The following TTC7A variants were observed in gnomAD, a reference collection of about 807,000 sequenced individuals.
The protein encoded by TTC7A is tetratricopeptide repeat domain 7A.
Under a neutral mutation model 103.7 loss-of-function variants are expected in TTC7A, and 110 were observed. That is an observed-to-expected ratio of 1.06 (90% CI 0.91 to 1.24). TTC7A has a LOEUF of 1.24. Among genes scored for constraint, TTC7A ranks in the 50% most tolerant of loss-of-function variants. The pLI, the probability that TTC7A is intolerant of heterozygous loss-of-function variation, is 0.00. For missense variants in TTC7A, 1,340 were observed against 1,116.3 expected (o/e 1.20, Z -2.86); for synonymous variants, 521 against 467.9 (o/e 1.11, Z -1.47).
At chr2:47,025,006 A>G (rs1248196577) in intron 14 of TTC7A, among the ~76,000 whole-genome samples, 1 of 152,124 alleles carries the variant, frequency 6.6e-6, no homozygotes, top group Non-Finnish European at 1.5e-5. Context: ...GGGCATGCAC[A>G]CATCCTCCAA....
chr2:46,968,763 A>G (rs1456527522), intron 3 of TTC7A, among the ~76,000 whole-genome samples: 2 of 152,162 alleles, frequency 1.3e-5, no homozygotes, highest in Non-Finnish European at 1.5e-5. Flanking sequence ...AAATTTTCAT[A>G]TGGTGACATG....
At chr2:47,041,856 T>C (rs1681788082) in intron 15 of TTC7A, among the ~76,000 whole-genome samples, 1 of 151,800 alleles carries the variant, frequency 6.6e-6, no homozygotes, top group African/African-American at 2.4e-5. Flanking sequence ...ATGGCTTCCC[T>C]CCACCCTTCT....
intron 18 of TTC7A, among the ~76,000 whole-genome samples, chr2:47,056,806 G>A (rs532134333): frequency 6.6e-6 from 1 of 152,302 alleles, no homozygotes; most frequent in East Asian, 1.9e-4. Context: ...AGGATGATGA[G>A]AGCAGAGGGA....
At chr2:46,999,879 G>C (rs1426602191) in intron 8 of TTC7A, 1 of 985,330 alleles carries the variant, frequency 1.0e-6, no homozygotes, top group Non-Finnish European at 1.2e-6. Context: ...CTGGTGTTGA[G>C]AGTGGGGTGG....
At chr2:46,929,775 C>CA (rs1412387113) in intron 2 of TTC7A, among the ~76,000 whole-genome samples, 1 of 152,176 alleles carries the variant, frequency 6.6e-6, no homozygotes, top group Non-Finnish European at 1.5e-5. Flanking sequence ...ATTCACTGCC[C>CA]ATCTCTGGGC....
intron 2 of TTC7A, among the ~76,000 whole-genome samples, chr2:46,954,894 A>C (rs1054997184): frequency 6.6e-6 from 1 of 152,028 alleles, no homozygotes; most frequent in African/African-American, 2.4e-5. Flanking sequence ...AATAGTGTAA[A>C]TGTGGCTTTA....
intron 15 of TTC7A, among the ~76,000 whole-genome samples, chr2:47,030,850 A>C (rs6729896): frequency 0.096 from 14,646 of 152,252 alleles, 753 homozygotes; most frequent in Non-Finnish European, 0.12. Flanking sequence ...AGCAGCATTC[A>C]AGAGACTACT....
At chr2:47,038,729 G>A (rs1179721659) in intron 15 of TTC7A, among the ~76,000 whole-genome samples, 1 of 139,674 alleles carries the variant, frequency 7.2e-6, no homozygotes, top group Non-Finnish European at 1.5e-5. Context: ...GGCCCAGTGA[G>A]CACACATGGG....
intron 18 of TTC7A, among the ~76,000 whole-genome samples, chr2:47,059,742 C>T (rs545326220): frequency 5.3e-5 from 8 of 152,290 alleles, no homozygotes; most frequent in South Asian, 2.1e-4. Context: ...CATCCCCACG[C>T]GAGGTTCTGA....
At chr2:46,972,279 C>T (rs1673436317) in intron 3 of TTC7A, among the ~76,000 whole-genome samples, 1 of 150,872 alleles carries the variant, frequency 6.6e-6, no homozygotes, top group Non-Finnish European at 1.5e-5. Flanking sequence ...ATGCTATATC[C>T]CTTCTGTGTT....
rs369517240 is a variant in TTC7A at position 47,020,523 on chromosome 2, C to T, written c.1393-1339C>T. Among the ~76,000 whole-genome samples the T allele has an allele frequency of 5.3e-5, 8 of 152,344 alleles. No homozygotes were observed. In the East Asian group the frequency reaches 1.4e-3, roughly 26 times the overall value. On this transcript the variant is annotated intron_variant, in intron 11 of 19. Transcript: ENST00000319190. ...CAGACACCCTCATCCTTCCAGTGGC[C>T]AGCCCAGCAATCAGGAAGCAGCCCA...
At chr2:46,926,590 G>T (rs1471576339) in intron 2 of TTC7A, among the ~76,000 whole-genome samples, 2 of 152,126 alleles carry the variant, frequency 1.3e-5, no homozygotes, top group African/African-American at 4.8e-5. Flanking sequence ...CAGATTTTTT[G>T]AATAAGGTGA....
Position 47,011,350 on chromosome 2 carries a change from T to TG in TTC7A, c.1308dup (p.Leu437AlafsTer62). 6.2e-7 allele frequency: 1 copy of TG among 1,613,420 alleles called. No individual in the cohort carries two copies. Among genetic ancestry groups the TG allele is most frequent in the South Asian group, 1.1e-5 (1 of 90,980 alleles). On this transcript the variant is annotated frameshift_variant, in exon 11 of 20. Coordinates refer to ENST00000319190, the MANE Select transcript of TTC7A (RefSeq NM_020458.4). LOFTEE classifies it high-confidence loss of function. Reference sequence around the variant, plus strand: ...CTGCAGTCAGCCTACGCTGTGTCCCTGCTGCGGGAGTGTGTGAAGTTGCGG... The same window carrying TG: ...CTGCAGTCAGCCTACGCTGTGTCCCTGGCTGCGGGAGTGTGTGAAGTTGCGG...
In TTC7A at chr2:47,074,690, A is replaced by C. The variant is rs549975282; in HGVS notation, c.*767A>C. On this transcript the variant is annotated 3_prime_UTR_variant, in exon 20 of 20. Transcript: ENST00000319190. ...AATGCAGGTCCCTTGAGGGCCACCAACATGGAGGTAGGCAGTTTCTAGGAC... is the reference window on the plus strand; with the variant it reads ...AATGCAGGTCCCTTGAGGGCCACCACCATGGAGGTAGGCAGTTTCTAGGAC... 9 of 152,466 alleles carry C rather than the reference A, an allele frequency of 5.9e-5. No individual in the cohort carries two copies. The highest frequency in any genetic ancestry group is 2.2e-4 in the African/African-American group (9 of 41,572). 9.4% of individuals were successfully genotyped at this position (152,466 alleles called of 1,614,324 possible). A position where few individuals can be genotyped will look rare whatever the true frequency, so the allele number is the denominator to read the frequency against.
At chr2:46,953,772 T>C (rs1049281358) in intron 2 of TTC7A, among the ~76,000 whole-genome samples, 10 of 152,150 alleles carry the variant, frequency 6.6e-5, no homozygotes, top group East Asian at 1.9e-4. Context: ...AGGAACCTTC[T>C]GCAACGGTAT....
In TTC7A at chr2:47,070,508, G is replaced by C. The variant is rs1558652065; in HGVS notation, c.2356-3194G>C. Among the ~76,000 whole-genome samples the C allele has an allele frequency of 2.0e-5, 3 of 152,228 alleles. No homozygotes were observed. The South Asian group carries it at 6.2e-4, about 31-fold the overall frequency. On this transcript the variant is annotated intron_variant, in intron 19 of 19. Transcript: ENST00000319190. ...CCTTTGGGGAATAACAAAGCAGGCA[G>C]GAGGCTGGGGCGCTGTCCCTCTCAG...
At chr2:47,042,206 G>C (rs1018168065) in intron 15 of TTC7A, among the ~76,000 whole-genome samples, 1 of 152,190 alleles carries the variant, frequency 6.6e-6, no homozygotes, top group African/African-American at 2.4e-5. Context: ...TTCCCTGAGA[G>C]GTGGAAGTTT....
chr2:47,056,214 C>T (rs561167116), intron 18 of TTC7A, among the ~76,000 whole-genome samples: 1 of 152,362 alleles, frequency 6.6e-6, no homozygotes, highest in African/African-American at 2.4e-5. Context: ...CCCTTGCCCT[C>T]TCCCCACCTT....
At chr2:47,070,734 G>C (rs1684609180) in intron 19 of TTC7A, among the ~76,000 whole-genome samples, 1 of 152,142 alleles carries the variant, frequency 6.6e-6, no homozygotes, top group Non-Finnish European at 1.5e-5. Flanking sequence ...CCTGAGGTGG[G>C]AATTTCTGGG....
Sources: allele counts gnomAD v4.1 joint callset (sites outside exome capture counted in the v4.1 genomes callset), GRCh38; gene constraint gnomAD v4.1.1; transcripts MANE v1.5; gene names NCBI Gene and HGNC (gene_info 2026-07-23, HGNC 2026-07-21).